CSMD3: variants seen among roughly 807,000 people sequenced by gnomAD.
CSMD3 encodes CUB and Sushi multiple domains 3.
In CSMD3, 177 loss-of-function variants were observed where a neutral mutation model predicts 435.2. The observed-to-expected ratio is 0.41, with a 90% CI of 0.36 to 0.46. The LOEUF is 0.46. Among genes scored for constraint, CSMD3 ranks in the 20% least tolerant of loss-of-function variants. The pLI is 0.34. For missense variants in CSMD3, 4,265 were observed against 4,504.6 expected, an observed-to-expected ratio of 0.95 and a Z score of 1.52; for synonymous variants, 1,656 against 1,520.5, an observed-to-expected ratio of 1.09 and a Z score of -2.07.
chr8:113,363,550 A>C (rs2094291892), intron 1 of CSMD3, among the ~76,000 whole-genome samples: 1 of 152,166 alleles, frequency 6.6e-6, no homozygotes. Context: ...CTAGTGAAGG[A>C]GTTCCCTAAC....
intron 16 of CSMD3, among the ~76,000 whole-genome samples, chr8:112,668,865 T>C (rs926179210): frequency 3.3e-5 from 5 of 150,870 alleles, no homozygotes; most frequent in African/African-American, 1.2e-4. Context: ...GGAGAAGCCA[T>C]GGTGTAGCAA....
At chr8:113,372,940 C>CAAA (rs34032302) in intron 1 of CSMD3, among the ~76,000 whole-genome samples, 46 of 125,430 alleles carry the variant, frequency 3.7e-4, no homozygotes, top group Middle Eastern at 8.1e-3. Flanking sequence ...GACTCCGTCT[C>CAAA]AAAAAAAAAA....
intron 13 of CSMD3, among the ~76,000 whole-genome samples, chr8:112,734,820 G>A (rs2077151190): frequency 6.6e-6 from 1 of 151,896 alleles, no homozygotes; most frequent in East Asian, 1.9e-4. Flanking sequence ...TGAAATTTCT[G>A]AAGATATATT....
At chr8:112,755,355 T>TAATAA (rs1554671620) in intron 13 of CSMD3, among the ~76,000 whole-genome samples, 2 of 147,132 alleles carry the variant, frequency 1.4e-5, no homozygotes, top group Non-Finnish European at 3.0e-5. Context: ...ATAATAATAA[T>TAATAA]AATAATAATA....
intron 5 of CSMD3, among the ~76,000 whole-genome samples, chr8:113,049,970 A>C (rs2088016433): frequency 6.6e-6 from 1 of 152,136 alleles, no homozygotes; most frequent in African/African-American, 2.4e-5. Context: ...AAAATCTCTC[A>C]ATGGCCAAAA....
chr8:113,088,600 T>C (rs939848965), intron 5 of CSMD3, among the ~76,000 whole-genome samples: 2 of 151,224 alleles, frequency 1.3e-5, no homozygotes, highest in African/African-American at 4.9e-5. Context: ...CTCAGTAAAC[T>C]ATCCCAAGGA....
At chr8:112,390,640 G>T (rs761714641) in intron 36 of CSMD3, 24 bp downstream of exon 36, 2 of 1,594,372 alleles carry the variant, frequency 1.3e-6, no homozygotes, top group Non-Finnish European at 8.6e-7. Flanking sequence ...ACAATGAAAA[G>T]AAGAAAAACT....
At chr8:112,758,583 C>A (rs953305406) in intron 13 of CSMD3, among the ~76,000 whole-genome samples, 8 of 152,008 alleles carry the variant, frequency 5.3e-5, no homozygotes, top group Non-Finnish European at 8.8e-5. Context: ...GAGAAACTGA[C>A]CAGGTGAGAA....
chr8:112,686,731 C>A (rs1335963858), intron 14 of CSMD3, among the ~76,000 whole-genome samples: 1 of 152,090 alleles, frequency 6.6e-6, no homozygotes, highest in East Asian at 1.9e-4. Flanking sequence ...AGTGATCCAC[C>A]TGCCTCGGCC....
At chr8:113,235,966 C>T (rs1267871430) in intron 3 of CSMD3, among the ~76,000 whole-genome samples, 1 of 152,128 alleles carries the variant, frequency 6.6e-6, no homozygotes, top group East Asian at 1.9e-4. Context: ...GTAACTTCCC[C>T]AATCACCAGT....
chr8:112,351,316 A>G (rs1826119243), intron 39 of CSMD3, 72 bp from the exon 40 acceptor site: 2 of 989,674 alleles, frequency 2.0e-6, no homozygotes, highest in Non-Finnish European at 3.2e-6. Flanking sequence ...ATAGTCAATT[A>G]TTATTATAAA....
At chr8:112,530,153 C>A (rs1035513791) in intron 27 of CSMD3, among the ~76,000 whole-genome samples, 4 of 151,946 alleles carry the variant, frequency 2.6e-5, no homozygotes, top group Non-Finnish European at 4.4e-5. Context: ...GTGAAGAAAC[C>A]TTAAGGCTCA....
Position 113,428,014 on chromosome 8 carries a change from T to A in CSMD3, c.178+8663A>T, listed in dbSNP as rs182555074. 7.0e-4 allele frequency among the ~76,000 whole-genome samples: 107 copies of A among 151,864 alleles called. 1 individual carries two copies. The East Asian group carries it at 0.019, about 27-fold the overall frequency. ...TTTATCTTACTTAATGTGCTAGTTT[T>A]ATATTTTATAGTGTCATATTTAACA... is the stretch of plus-strand genomic sequence containing the variant. On this transcript the variant is annotated intron_variant, in intron 1 of 70. Transcript: ENST00000297405.
At chr8:112,908,921 G>A (rs1042678214) in intron 10 of CSMD3, among the ~76,000 whole-genome samples, 1 of 151,506 alleles carries the variant, frequency 6.6e-6, no homozygotes, top group Non-Finnish European at 1.5e-5. Context: ...AGACAACAAA[G>A]TAAATACAAA....
At chr8:112,352,663 C>A (rs561934022) in intron 38 of CSMD3, 129 bp from the exon 39 acceptor site, 2 of 800,364 alleles carry the variant, frequency 2.5e-6, no homozygotes, top group Non-Finnish European at 4.3e-6. Flanking sequence ...ACGTTGAGAA[C>A]GTTCTGTGAA....
rs186271664 is a variant in CSMD3, at chr8:112,328,208, T to C, written c.7165+7121A>G. Among the ~76,000 whole-genome samples, 139 of 152,316 alleles carry C rather than the reference T, an allele frequency of 9.1e-4. 4 individuals carry two copies. The highest frequency in any genetic ancestry group is 6.5e-3 in the Admixed American group (100 of 15,286). On this transcript the variant is annotated intron_variant, in intron 45 of 70. Coordinates refer to ENST00000297405, the MANE Select transcript of CSMD3 (RefSeq NM_198123.2). Reference sequence around the variant, plus strand: ...CTCATGATTTGGGGGAGAACAACCATTGATAAATTTTATGTTCTGTTATGC... The same window carrying C: ...CTCATGATTTGGGGGAGAACAACCACTGATAAATTTTATGTTCTGTTATGC...
chr8:112,659,133 T>C, intron 17 of CSMD3, among the ~76,000 whole-genome samples: 1 of 148,922 alleles, frequency 6.7e-6, no homozygotes. Context: ...TAATTCTTAA[T>C]AGAATAGCAA....
intron 3 of CSMD3, among the ~76,000 whole-genome samples, chr8:113,190,616 A>G (rs2092570403): frequency 6.6e-6 from 1 of 151,664 alleles, no homozygotes; most frequent in African/African-American, 2.4e-5. Flanking sequence ...CTCTTAAAAC[A>G]TATGTCTATG....
chr8:113,028,905 G>A (rs2086975563), intron 5 of CSMD3, among the ~76,000 whole-genome samples: 1 of 151,574 alleles, frequency 6.6e-6, no homozygotes, highest in Non-Finnish European at 1.5e-5. Context: ...AATAATTGAT[G>A]AAGGTGACTA....
Sources: gnomAD v4.1 joint callset for allele counts (sites outside exome capture counted in the v4.1 genomes callset) on GRCh38, gnomAD v4.1.1 for gene constraint, MANE v1.5 for transcripts, NCBI Gene and HGNC (gene_info 2026-07-23, HGNC 2026-07-21) for gene names.